SLC8A1: variants seen among roughly 807,000 people sequenced by gnomAD.
SLC8A1 encodes sodium/calcium exchanger 1.
In SLC8A1, 18 loss-of-function variants were observed where a neutral mutation model predicts 68.3. The observed-to-expected ratio is 0.26, with a 90% confidence interval of 0.18 to 0.39. The LOEUF is 0.39. SLC8A1 is among the 10% of genes least tolerant of loss of function. SLC8A1 has a pLI of 1.00. For synonymous variants in SLC8A1, 475 were observed against 415.5 expected (o/e 1.14, Z -1.74); for missense variants, 985 against 1,156.7 (o/e 0.85, Z 2.15).
chr2:40,431,577 AC>A (rs954875939), intron 1 of SLC8A1, among the ~76,000 whole-genome samples: 2 of 152,092 alleles, frequency 1.3e-5, no homozygotes, highest in African/African-American at 4.8e-5. Context: ...GTGAGGGGAA[AC>A]TGAAGTAGAG....
At chr2:40,113,478 G>T (rs2034831559) in exon 8 of SLC8A1, 1 of 152,686 alleles carries the variant, frequency 6.5e-6, no homozygotes, top group African/African-American at 2.4e-5. Flanking sequence ...CAATCCTCCT[G>T]GGAGGTACTA....
At chr2:40,474,826 A>G (rs1390245677) in intron 1 of SLC8A1, among the ~76,000 whole-genome samples, 1 of 152,208 alleles carries the variant, frequency 6.6e-6, no homozygotes, top group Non-Finnish European at 1.5e-5. Context: ...ATTGGTTTCC[A>G]TAAATTCATG....
chr2:40,355,112 TA>T (rs1225207479), intron 2 of SLC8A1, among the ~76,000 whole-genome samples: 1 of 152,162 alleles, frequency 6.6e-6, no homozygotes, highest in East Asian at 1.9e-4. Context: ...AAGCCTTTAC[TA>T]TGGGGAGGAG....
intron 2 of SLC8A1, among the ~76,000 whole-genome samples, chr2:40,379,452 G>T (rs1680996584): frequency 1.3e-5 from 2 of 152,136 alleles, no homozygotes; most frequent in Middle Eastern, 6.8e-3. Context: ...TTAACCAGGA[G>T]ATCTATAAAT....
intron 2 of SLC8A1, among the ~76,000 whole-genome samples, chr2:40,333,815 A>G (rs1213153031): frequency 6.6e-6 from 1 of 152,146 alleles, no homozygotes; most frequent in Non-Finnish European, 1.5e-5. Flanking sequence ...TTTGGGAGCT[A>G]AGGCGGGTGG....
Position 40,462,530 on chromosome 2 carries a change from G to A in SLC8A1, c.-24-32226C>T, listed in dbSNP as rs1038683926. Among the ~76,000 whole-genome samples, 4 of 151,210 alleles carry A rather than the reference G, an allele frequency of 2.6e-5. No individual in the cohort carries two copies. The East Asian group carries it at 5.9e-4, about 22-fold the overall frequency. On this transcript the variant is annotated intron_variant, in intron 1 of 7. Transcript: ENST00000402441. ...CATATTAGAGAAGATCAGAGCAGGC[G>A]GGGCATGGTGGTTCATGCCTGTAAT...
intron 2 of SLC8A1, among the ~76,000 whole-genome samples, chr2:40,379,492 G>C (rs1681009771): frequency 2.6e-5 from 4 of 152,040 alleles, no homozygotes; most frequent in Admixed American, 2.6e-4. Flanking sequence ...TTATAAGCAT[G>C]GCAAATGGTG....
At chr2:40,235,531 T>A (rs1467751854) in intron 2 of SLC8A1, among the ~76,000 whole-genome samples, 1 of 152,142 alleles carries the variant, frequency 6.6e-6, no homozygotes, top group Non-Finnish European at 1.5e-5. Context: ...TCAATTTTGT[T>A]GATCCTTTCA....
At position 40,442,233 on chromosome 2, in the gene SLC8A1, G is replaced by C. The variant is rs1700627725; in HGVS notation, c.-25+9671C>G. ...AATAAAATTAAAAAAACAAACAAAT[G>C]TATAAATCTTTTTACTAAAAGTGAT... On this transcript the variant is annotated intron_variant, in intron 1 of 7. Transcript: ENST00000406785. 2.0e-5 allele frequency among the ~76,000 whole-genome samples: 3 copies of C among 148,976 alleles called. 1 individual carries two copies. The highest frequency in any genetic ancestry group is 2.0e-4 in the Admixed American group (3 of 14,992).
At chr2:40,426,756 AC>A (rs1696958502) in intron 2 of SLC8A1, among the ~76,000 whole-genome samples, 1 of 152,070 alleles carries the variant, frequency 6.6e-6, no homozygotes, top group African/African-American at 2.4e-5. Flanking sequence ...CATGAAATAT[AC>A]CTTTAACAAC....
intron 3 of SLC8A1, 47 bp from the exon 5 acceptor site, chr2:40,174,889 C>T: frequency 6.4e-7 from 1 of 1,567,132 alleles, no homozygotes; most frequent in African/African-American, 1.4e-5. Flanking sequence ...TGACACTCTA[C>T]ATAACAAATA....
chr2:40,305,025 T>G (rs1024359920), intron 2 of SLC8A1, among the ~76,000 whole-genome samples: 7 of 152,224 alleles, frequency 4.6e-5, no homozygotes, highest in African/African-American at 1.7e-4. Flanking sequence ...TCTGACTCAG[T>G]AGGTCTGGTG....
At chr2:40,242,239 G>T (rs554401213) in intron 2 of SLC8A1, among the ~76,000 whole-genome samples, 3 of 152,160 alleles carry the variant, frequency 2.0e-5, no homozygotes, top group African/African-American at 7.2e-5. Flanking sequence ...CCACAAGCCA[G>T]ACTGAAAACA....
chr2:40,340,746 G>A (rs925868277), intron 2 of SLC8A1, among the ~76,000 whole-genome samples: 2 of 152,132 alleles, frequency 1.3e-5, no homozygotes, highest in Non-Finnish European at 2.9e-5. Flanking sequence ...TCTGTTTCTT[G>A]CTAAATTGAA....
intron 2 of SLC8A1, among the ~76,000 whole-genome samples, chr2:40,400,511 T>G (rs1259230423): frequency 6.6e-6 from 1 of 152,344 alleles, no homozygotes; most frequent in Middle Eastern, 3.4e-3. Context: ...ACTCTTCTTT[T>G]CTAATCTTTT....
At chr2:40,428,808 G>C (rs1344706205) in exon 2 of SLC8A1, 1 of 1,613,658 alleles carries the variant, frequency 6.2e-7, no homozygotes, top group Non-Finnish European at 8.5e-7. Context: ...GATGCACAAG[G>C]AAATTTTCAT....
chr2:40,273,378 C>G (rs1488019239), intron 2 of SLC8A1, among the ~76,000 whole-genome samples: 1 of 152,126 alleles, frequency 6.6e-6, no homozygotes, highest in Non-Finnish European at 1.5e-5. Flanking sequence ...CAGGCACTAG[C>G]CACCATGCCC....
chr2:40,265,316 C>T (rs2065227225), intron 2 of SLC8A1, among the ~76,000 whole-genome samples: 1 of 152,188 alleles, frequency 6.6e-6, no homozygotes, highest in African/African-American at 2.4e-5. Context: ...AGCATTCAAA[C>T]TCAGGTCTTA....
At chr2:40,488,212 CCTT>C (rs1288308367) in intron 1 of SLC8A1, among the ~76,000 whole-genome samples, 2 of 145,276 alleles carry the variant, frequency 1.4e-5, no homozygotes, top group Non-Finnish European at 3.0e-5. Context: ...AAGGGGGACA[CCTT>C]CTGTAGACAG....
Sources: allele counts gnomAD v4.1 joint callset (sites outside exome capture counted in the v4.1 genomes callset), GRCh38; gene constraint gnomAD v4.1.1; transcripts MANE v1.5; gene names NCBI Gene and HGNC (gene_info 2026-07-23, HGNC 2026-07-21).